The following EEPD1 variants were observed in gnomAD, a reference collection of about 807,000 sequenced individuals.
The protein encoded by EEPD1 is endonuclease/exonuclease/phosphatase family domain containing 1.
In EEPD1, 17 loss-of-function variants were observed where a neutral mutation model predicts 46.3. The ratio of observed to expected loss-of-function variants is 0.37; its 90% CI spans 0.25 to 0.55. The LOEUF (loss-of-function observed/expected upper bound fraction) is 0.55. EEPD1 is among the 20% of genes least tolerant of loss of function. The pLI, the probability that EEPD1 is intolerant of heterozygous loss-of-function variation, is 0.83. For synonymous variants in EEPD1, 313 were observed against 315.6 expected (o/e 0.99, Z 0.09); for missense variants, 673 against 745.6 (o/e 0.90, Z 1.13).
At chr7:36,159,367 G>A (rs11760954) in intron 2 of EEPD1, among the ~76,000 whole-genome samples, 16,990 of 152,226 alleles carry the variant, frequency 0.11, 976 homozygotes, top group Non-Finnish European at 0.13. Context: ...ACCCTGGGAG[G>A]TTGAAGGGTG....
chr7:36,258,766 G>A (rs972997194), intron 3 of EEPD1, among the ~76,000 whole-genome samples: 1 of 152,096 alleles, frequency 6.6e-6, no homozygotes, highest in Non-Finnish European at 1.5e-5. Flanking sequence ...GGTTCCGTGG[G>A]GTTGGGATCC....
At chr7:36,238,889 G>A in intron 2 of EEPD1, 96 bp from the exon 3 acceptor site, 1 of 1,241,056 alleles carries the variant, frequency 8.1e-7, no homozygotes, top group Non-Finnish European at 1.1e-6. Context: ...AATGCAGGAT[G>A]AAATTTCAGC....
intron 2 of EEPD1, among the ~76,000 whole-genome samples, chr7:36,159,931 G>A (rs552861281): frequency 3.2e-4 from 48 of 152,376 alleles, no homozygotes; most frequent in African/African-American, 1.2e-3. Flanking sequence ...ATGGTCGGTA[G>A]TAAGAGTGTT....
intron 2 of EEPD1, among the ~76,000 whole-genome samples, chr7:36,195,919 G>A (rs145487864): frequency 5.3e-5 from 8 of 152,206 alleles, no homozygotes; most frequent in South Asian, 2.1e-4. Flanking sequence ...GTCCTTAGGC[G>A]ATTTCTTCAT....
At chr7:36,236,946 C>T (rs1786458354) in intron 2 of EEPD1, among the ~76,000 whole-genome samples, 2 of 152,204 alleles carry the variant, frequency 1.3e-5, no homozygotes, top group Middle Eastern at 3.2e-3. Context: ...CCTACCATAC[C>T]AGGCTGTGGA....
chr7:36,159,992 C>T (rs181768533), intron 2 of EEPD1, among the ~76,000 whole-genome samples: 1 of 152,312 alleles, frequency 6.6e-6, no homozygotes, highest in East Asian at 1.9e-4. Flanking sequence ...CCAATGTAGG[C>T]AGAACTTAGG....
In EEPD1 at chr7:36,225,050, CAAAA is replaced by C. The variant is rs758166132; in HGVS notation, c.879-13928_879-13925del. On this transcript the variant is annotated intron_variant, in intron 2 of 7. Coordinates refer to ENST00000242108, the MANE Select transcript of EEPD1 (RefSeq NM_030636.3). The surrounding 1 kb of genome is among the most constrained non-coding windows in gnomAD (Gnocchi z 4.2). ...AAGGAATGCAGGCAGCCACCAGAGA[CAAAA>C]AAAAAATAGGCTCTCCTCTCGAGCC... Among the ~76,000 whole-genome samples, 3 of 145,624 alleles carry C rather than the reference CAAAA, an allele frequency of 2.1e-5. No homozygotes were observed. Among genetic ancestry groups the C allele is most frequent in the Admixed American group, 6.9e-5 (1 of 14,586 alleles).
At chr7:36,230,282 T>G (rs531771627) in intron 2 of EEPD1, among the ~76,000 whole-genome samples, 1 of 150,766 alleles carries the variant, frequency 6.6e-6, no homozygotes, top group South Asian at 2.1e-4. Flanking sequence ...CCCCATCCAT[T>G]CTCAACACCA....
intron 2 of EEPD1, among the ~76,000 whole-genome samples, chr7:36,233,856 A>G (rs1421052925): frequency 6.6e-6 from 1 of 152,188 alleles, no homozygotes; most frequent in African/African-American, 2.4e-5. Context: ...ACTCCTGTCC[A>G]TGAGCCTGGA....
At chr7:36,252,225 G>C (rs1328826097) in intron 3 of EEPD1, among the ~76,000 whole-genome samples, 1 of 152,256 alleles carries the variant, frequency 6.6e-6, no homozygotes, top group Non-Finnish European at 1.5e-5. Flanking sequence ...ACCAAGGGCA[G>C]AAAGGTCATT....
At chr7:36,236,962 C>T (rs1011195382) in intron 2 of EEPD1, among the ~76,000 whole-genome samples, 1 of 152,244 alleles carries the variant, frequency 6.6e-6, no homozygotes, top group African/African-American at 2.4e-5. Flanking sequence ...GTGGAAGCTT[C>T]GTTCTTTTGC....
chr7:36,168,447 C>G (rs73337066), intron 2 of EEPD1, among the ~76,000 whole-genome samples: 199 of 152,202 alleles, frequency 1.3e-3, no homozygotes, highest in African/African-American at 4.7e-3. Flanking sequence ...GGAAATGGGG[C>G]CAAAAGATTA....
At chr7:36,182,880 A>T (rs1011062889) in intron 2 of EEPD1, among the ~76,000 whole-genome samples, 3 of 152,206 alleles carry the variant, frequency 2.0e-5, no homozygotes, top group Admixed American at 1.3e-4. Flanking sequence ...GTTGTGCTTC[A>T]TGTCTTCAGG....
chr7:36,171,234 G>GT (rs1273784520), intron 2 of EEPD1, among the ~76,000 whole-genome samples: 2 of 152,058 alleles, frequency 1.3e-5, no homozygotes, highest in Non-Finnish European at 2.9e-5. Context: ...CATGCTTCAT[G>GT]TTTTTCAGGT....
intron 7 of EEPD1, among the ~76,000 whole-genome samples, chr7:36,298,650 G>A (rs1787564617): frequency 6.6e-6 from 1 of 151,930 alleles, no homozygotes; most frequent in Non-Finnish European, 1.5e-5. Flanking sequence ...CCTTTGCTTT[G>A]GACTTGGGAT....
chr7:36,257,645 G>T (rs1786847994), intron 3 of EEPD1, among the ~76,000 whole-genome samples: 1 of 152,112 alleles, frequency 6.6e-6, no homozygotes, highest in African/African-American at 2.4e-5. Context: ...GCTTCACGAA[G>T]TTCTCATGCT....
intron 2 of EEPD1, among the ~76,000 whole-genome samples, chr7:36,198,661 G>A (rs2726083): frequency 0.12 from 18,901 of 152,216 alleles, 1,338 homozygotes; most frequent in Non-Finnish European, 0.17. Context: ...CCTGAAAATC[G>A]AAAGTTTTAA....
chr7:36,189,671 T>C (rs1379282188), intron 2 of EEPD1, among the ~76,000 whole-genome samples: 1 of 152,178 alleles, frequency 6.6e-6, no homozygotes, highest in Non-Finnish European at 1.5e-5. Context: ...CAGAGATGCC[T>C]GAGAAGGAAA....
intron 4 of EEPD1, 83 bp downstream of exon 4, chr7:36,281,308 C>T: frequency 7.9e-7 from 1 of 1,271,326 alleles, no homozygotes; most frequent in Non-Finnish European, 1.1e-6. Flanking sequence ...TTAAAAATTT[C>T]CTTTGCCAAT....
Sources: allele counts gnomAD v4.1 joint callset (sites outside exome capture counted in the v4.1 genomes callset), GRCh38; gene constraint gnomAD v4.1.1; non-coding constraint Gnocchi (gnomAD v3.1); transcripts MANE v1.5; gene names NCBI Gene and HGNC (gene_info 2026-07-23, HGNC 2026-07-21).